HEATR5B: variants seen among roughly 807,000 people sequenced by gnomAD.
HEATR5B encodes HEAT repeat containing 5B.
HEATR5B carries 156 observed loss-of-function variants against 224.1 expected under a neutral mutation model. That is an observed-to-expected ratio of 0.70 (90% CI 0.61 to 0.80). The LOEUF is 0.80. Among genes scored for constraint, HEATR5B ranks in the 30% least tolerant of loss-of-function variants. The probability of loss-of-function intolerance (pLI) is 0.00; values close to 1 mark genes in which losing one functional copy is unlikely to be tolerated. For synonymous variants in HEATR5B, 1,027 were observed against 893.0 expected, an observed-to-expected ratio of 1.15 and a Z score of -2.68; for missense variants, 2,323 against 2,535.5, an observed-to-expected ratio of 0.92 and a Z score of 1.80.
chr2:37,011,265 A>C (rs947961150), intron 27 of HEATR5B, among the ~76,000 whole-genome samples: 1 of 152,236 alleles, frequency 6.6e-6, no homozygotes, highest in Non-Finnish European at 1.5e-5. Flanking sequence ...GGGAGCTTAC[A>C]GGCAGAGGGA....
At chr2:37,076,685 TA>T (rs1467801585) in intron 4 of HEATR5B, among the ~76,000 whole-genome samples, 1 of 146,386 alleles carries the variant, frequency 6.8e-6, no homozygotes, top group South Asian at 2.1e-4. Context: ...AAAAGTACCA[TA>T]GGACTAAATA....
chr2:37,070,802 AC>A (rs896730580), intron 6 of HEATR5B, among the ~76,000 whole-genome samples: 2 of 152,218 alleles, frequency 1.3e-5, no homozygotes, highest in Non-Finnish European at 2.9e-5. Flanking sequence ...TGGGAATGCA[AC>A]TGAATTGGCA....
chr2:37,032,805 C>A, intron 21 of HEATR5B, 32 bp from the exon 22 acceptor site: 1 of 1,587,182 alleles, frequency 6.3e-7, no homozygotes, highest in Non-Finnish European at 8.6e-7. Flanking sequence ...GGCGATTTCT[C>A]TTTAAAAAGC....
chr2:37,043,129 A>C (rs533329973), intron 18 of HEATR5B, among the ~76,000 whole-genome samples: 2 of 152,258 alleles, frequency 1.3e-5, no homozygotes, highest in African/African-American at 4.8e-5. Flanking sequence ...GTGTGCCAAA[A>C]CTGTTCTACC....
rs545599525 is a variant in HEATR5B at position 37,045,074 on chromosome 2, G to A, written c.2697-3782C>T. ...TACATTTCTAGGTTTCCTTTGGGCT[G>A]TTTTTACAAATTCCTTTTCTCACAT... is the stretch of plus-strand genomic sequence containing the variant. On this transcript the variant is annotated intron_variant, in intron 18 of 35. Transcript: ENST00000233099. Among the ~76,000 whole-genome samples the A allele has an allele frequency of 7.2e-5, 11 of 152,186 alleles. No individual in the cohort carries two copies. In the South Asian group the frequency reaches 2.3e-3, roughly 32 times the overall value.
chr2:37,049,812 G>T lies in HEATR5B; in HGVS notation c.2537C>A (p.Pro846His), dbSNP rs1670423665. Residue 846 changes from proline (P) to histidine (H), a missense_variant, in exon 18 of 36, where the codon CCT becomes CAT. This residue lies in a region of HEATR5B where 170 missense variants were observed against 216.7 expected (regional missense o/e 0.78). Transcript: ENST00000233099. Reference sequence around the variant, plus strand: ...CAGGGCAGATTTACGAACTTCCTCAGGTCCTAAAGTACTTTTGTTTTCAGC... The same window carrying T: ...CAGGGCAGATTTACGAACTTCCTCATGTCCTAAAGTACTTTTGTTTTCAGC... Reference protein sequence around the residue: ...GLAENKSTLGPEEVRKSALTL... With the variant: ...GLAENKSTLGHEEVRKSALTL... 6.3e-7 allele frequency: 1 copy of T among 1,582,724 alleles called. No homozygotes were observed. Among genetic ancestry groups the T allele is most frequent in the African/African-American group, 1.4e-5 (1 of 69,874 alleles).
In HEATR5B at chr2:37,061,869, A is replaced by C; in HGVS notation, c.1696+70T>G. 1.5e-5 allele frequency: 13 copies of C among 858,222 alleles called. No homozygotes were observed. In the South Asian group the frequency reaches 2.0e-4, roughly 13 times the overall value. The allele number at this position is 858,222 out of a possible 1,614,324, so 53.2% of individuals were successfully genotyped here. On this transcript the variant is annotated intron_variant, in intron 11 of 35. Transcript: ENST00000233099. Reference sequence around the variant, plus strand: ...CCAGAATGTGAAGCTTAACACTTTTAAATTAAATTTGCTTTACAGGCTACT... The same window carrying C: ...CCAGAATGTGAAGCTTAACACTTTTCAATTAAATTTGCTTTACAGGCTACT...
At chr2:37,035,976 T>A (rs1329076162) in intron 21 of HEATR5B, among the ~76,000 whole-genome samples, 1 of 152,150 alleles carries the variant, frequency 6.6e-6, no homozygotes, top group Non-Finnish European at 1.5e-5. Context: ...CTTCTAACCC[T>A]CTTCTCCAAC....
At position 37,019,822 on chromosome 2, in the gene HEATR5B, G is replaced by T; in HGVS notation, c.4091C>A (p.Ala1364Glu). ...TTTTCTTCTTACCTGGCAAGCTTTC[G>T]CTATTATATCTGATGGTGTATCTTG... The part of the protein sequence containing the change: ...FSQDTPSDII[A>E]KACQVCSTWI... The change falls in exon 26 of 36, where the codon GCG becomes GAG. Residue 1364 changes from alanine to glutamate, a missense_variant. This residue lies in a region of HEATR5B where 339 missense variants were observed against 378.4 expected (regional missense o/e 0.90). Transcript: ENST00000233099. 6.2e-7 allele frequency: 1 copy of T among 1,607,492 alleles called. No individual in the cohort carries two copies. The highest frequency in any genetic ancestry group is 8.5e-7 in the Non-Finnish European group (1 of 1,175,554).
chr2:37,004,985 A>G (rs139047759), intron 30 of HEATR5B, among the ~76,000 whole-genome samples: 124 of 152,300 alleles, frequency 8.1e-4, no homozygotes, highest in African/African-American at 2.8e-3. Context: ...TCTGAAATAT[A>G]AAGTTAGTTA....
chr2:37,047,200 A>G (rs574815378), intron 18 of HEATR5B, among the ~76,000 whole-genome samples: 1 of 152,098 alleles, frequency 6.6e-6, no homozygotes, highest in East Asian at 1.9e-4. Flanking sequence ...TAAATAAATA[A>G]ATGTAGCAAT....
intron 7 of HEATR5B, among the ~76,000 whole-genome samples, chr2:37,069,919 A>G (rs1671806322): frequency 7.4e-6 from 1 of 135,976 alleles, no homozygotes. Flanking sequence ...TTTTTTTGAG[A>G]TGGAGTCTCG....
intron 33 of HEATR5B, among the ~76,000 whole-genome samples, chr2:36,996,682 C>G (rs1044594122): frequency 6.6e-6 from 1 of 151,980 alleles, no homozygotes; most frequent in African/African-American, 2.4e-5. Context: ...GCCTCTGCAT[C>G]CCTGGATTCA....
chr2:37,033,448 T>C (rs538606454), intron 21 of HEATR5B, among the ~76,000 whole-genome samples: 4 of 152,300 alleles, frequency 2.6e-5, no homozygotes, highest in Non-Finnish European at 5.9e-5. Context: ...TTTTTAAGTA[T>C]ATAGAGATCA....
chr2:37,065,011 A>G, intron 9 of HEATR5B, 21 bp from the exon 10 acceptor site: 2 of 1,608,744 alleles, frequency 1.2e-6, no homozygotes, highest in South Asian at 2.2e-5. Flanking sequence ...AATACTCAAA[A>G]TATTACTCTT....
chr2:36,996,743 C>T (rs11690477), intron 33 of HEATR5B, among the ~76,000 whole-genome samples: 3,542 of 152,192 alleles, frequency 0.023, 82 homozygotes, highest in East Asian at 0.12. Context: ...CAGGCATGTG[C>T]CACCACGCCC....
rs1236698244 is a variant in HEATR5B at position 36,988,694 on chromosome 2, C to T, written c.5863G>A (p.Gly1955Arg). Residue 1955 changes from glycine to arginine, a missense_variant, in exon 35 of 36, where the codon GGA (glycine) becomes AGA (arginine). Gly to Arg is a moderately radical substitution (Grantham distance 125, BLOSUM62 -2). Coordinates refer to ENST00000233099, the MANE Select transcript of HEATR5B (RefSeq NM_019024.3). ...ACCAGTGTTTCAAGAACTTTTATTC[C>T]TTCTTGAACCGCTAAAAGCTCTATG... is the stretch of plus-strand genomic sequence containing the variant. ...SNIELLAVQE[G>R]IKVLETLVAL... The T allele has an allele frequency of 1.2e-6, 2 of 1,613,952 alleles. No individual in the cohort carries two copies. The highest frequency in any genetic ancestry group is 3.3e-5 in the Admixed American group (2 of 59,962).
intron 33 of HEATR5B, among the ~76,000 whole-genome samples, chr2:36,994,742 A>G (rs1411639986): frequency 6.6e-6 from 1 of 152,196 alleles, no homozygotes; most frequent in Non-Finnish European, 1.5e-5. Context: ...TAATTATTTT[A>G]AAACAAATTC....
intron 32 of HEATR5B, 119 bp downstream of exon 32, chr2:37,002,187 C>A: frequency 1.7e-6 from 2 of 1,143,192 alleles, no homozygotes; most frequent in Non-Finnish European, 1.2e-6. Flanking sequence ...AGACCAGCTT[C>A]TTATTTTTCA....
Sources: allele counts gnomAD v4.1 joint callset (sites outside exome capture counted in the v4.1 genomes callset), GRCh38; gene constraint gnomAD v4.1.1; regional missense constraint gnomAD v4.1.1; transcripts MANE v1.5; gene names NCBI Gene and HGNC (gene_info 2026-07-23, HGNC 2026-07-21).